The following PCDH15 variants were observed in gnomAD, a reference collection of about 807,000 sequenced individuals.
PCDH15 encodes the protein protocadherin related 15, also known as protocadherin-15.
In PCDH15, 129 loss-of-function variants were observed where a neutral mutation model predicts 178.5. The observed-to-expected ratio is 0.72, with a 90% confidence interval of 0.63 to 0.84. PCDH15 has a LOEUF of 0.84. Among genes scored for constraint, PCDH15 ranks in the 40% least tolerant of loss-of-function variants. PCDH15 has a pLI of 0.00. For synonymous variants in PCDH15, 800 were observed against 732.0 expected, an observed-to-expected ratio of 1.09 and a Z score of -1.50; for missense variants, 2,230 against 2,099.9, an observed-to-expected ratio of 1.06 and a Z score of -1.21.
At chr10:55,383,123 G>A (rs894409526) in intron 2 of PCDH15, among the ~76,000 whole-genome samples, 1 of 152,120 alleles carries the variant, frequency 6.6e-6, no homozygotes, top group Non-Finnish European at 1.5e-5. Context: ...GATGGGAGTG[G>A]CTCTCAGTGG....
chr10:54,625,036 G>C (rs1362638881), intron 2 of PCDH15, among the ~76,000 whole-genome samples: 9 of 152,154 alleles, frequency 5.9e-5, no homozygotes, highest in Non-Finnish European at 1.2e-4. Flanking sequence ...TGGGTCCGTA[G>C]AAAAATTGTC....
chr10:54,172,902 A>G (rs2047058460), intron 13 of PCDH15, among the ~76,000 whole-genome samples: 1 of 152,216 alleles, frequency 6.6e-6, no homozygotes, highest in Non-Finnish European at 1.5e-5. Flanking sequence ...ACAGAAATAT[A>G]AAAGTAAATA....
At chr10:54,731,559 TATATACACACAC>T in intron 1 of PCDH15, among the ~76,000 whole-genome samples, 1 of 50,618 alleles carries the variant, frequency 2.0e-5, no homozygotes, top group Non-Finnish European at 4.4e-5. Context: ...TATATATATA[TATATACACACAC>T]ACACACACAC....
chr10:54,987,651 C>T (rs1164916376), intron 2 of PCDH15, among the ~76,000 whole-genome samples: 1 of 150,510 alleles, frequency 6.6e-6, no homozygotes. Flanking sequence ...TTTTTGGCCG[C>T]ATAAATGTCT....
At chr10:54,505,696 G>C (rs1415393950) in intron 3 of PCDH15, among the ~76,000 whole-genome samples, 7 of 151,978 alleles carry the variant, frequency 4.6e-5, no homozygotes, top group Non-Finnish European at 8.8e-5. Context: ...ACCTAATGTA[G>C]ATGACGGGTC....
At chr10:53,905,710 A>G (rs1431254345) in intron 25 of PCDH15, among the ~76,000 whole-genome samples, 2 of 152,152 alleles carry the variant, frequency 1.3e-5, no homozygotes, top group African/African-American at 4.8e-5. Context: ...TAAGTTTAAG[A>G]TTCAAATACC....
intron 18 of PCDH15, among the ~76,000 whole-genome samples, chr10:54,057,170 G>A (rs1215756021): frequency 1.3e-5 from 2 of 152,280 alleles, no homozygotes; most frequent in East Asian, 1.9e-4. Context: ...AGCTGTCAGT[G>A]GATTACTATT....
intron 21 of PCDH15, among the ~76,000 whole-genome samples, chr10:53,979,513 G>T (rs2090449800): frequency 1.3e-5 from 2 of 152,074 alleles, no homozygotes; most frequent in African/African-American, 2.4e-5. Flanking sequence ...CTAAGAATGG[G>T]GATACATTGT....
intron 2 of PCDH15, among the ~76,000 whole-genome samples, chr10:54,930,304 C>T (rs1837739877): frequency 6.6e-6 from 1 of 152,176 alleles, no homozygotes; most frequent in Non-Finnish European, 1.5e-5. Context: ...ACACCACCTC[C>T]TCAAGCCAGT....
At chr10:54,490,728 A>G (rs2079518851) in intron 3 of PCDH15, among the ~76,000 whole-genome samples, 1 of 152,152 alleles carries the variant, frequency 6.6e-6, no homozygotes, top group East Asian at 1.9e-4. Flanking sequence ...AATGACTAGT[A>G]AAAGTCAAAA....
chr10:54,195,041 C>A (rs2049465207), intron 11 of PCDH15, among the ~76,000 whole-genome samples: 2 of 152,098 alleles, frequency 1.3e-5, no homozygotes, highest in Admixed American at 1.3e-4. Context: ...TTGTAAATTC[C>A]TGGGAGGATT....
At chr10:54,347,679 A>G (rs1458052639) in intron 5 of PCDH15, among the ~76,000 whole-genome samples, 1 of 151,958 alleles carries the variant, frequency 6.6e-6, no homozygotes, top group Non-Finnish European at 1.5e-5. Context: ...AAATAGATAG[A>G]ACATGCCCTC....
chr10:55,060,741 T>C (rs1191979812), intron 2 of PCDH15, among the ~76,000 whole-genome samples: 2 of 152,032 alleles, frequency 1.3e-5, no homozygotes, highest in African/African-American at 4.8e-5. Context: ...AAGTTTCTCA[T>C]GGACTAATAG....
chr10:54,455,870 C>T (rs994051409), intron 3 of PCDH15, among the ~76,000 whole-genome samples: 20 of 152,260 alleles, frequency 1.3e-4, no homozygotes, highest in African/African-American at 2.6e-4. Context: ...ATGGCTAAAA[C>T]GGGTCAGTGT....
intron 19 of PCDH15, among the ~76,000 whole-genome samples, chr10:54,020,749 A>G (rs1337611031): frequency 1.4e-5 from 2 of 147,748 alleles, no homozygotes; most frequent in Admixed American, 6.6e-5. Flanking sequence ...TCACTAAATG[A>G]ACTATATCAC....
At chr10:54,944,076 C>A (rs1451847809) in intron 2 of PCDH15, among the ~76,000 whole-genome samples, 1 of 151,848 alleles carries the variant, frequency 6.6e-6, no homozygotes, top group East Asian at 1.9e-4. Flanking sequence ...TAGGCCAAGA[C>A]CCAAAGCATG....
At chr10:55,411,645 A>G (rs553089714) in intron 2 of PCDH15, among the ~76,000 whole-genome samples, 1 of 152,246 alleles carries the variant, frequency 6.6e-6, no homozygotes, top group African/African-American at 2.4e-5. Context: ...CTAGTTTTCA[A>G]TATATTCTAC....
intron 2 of PCDH15, among the ~76,000 whole-genome samples, chr10:55,453,597 C>T (rs562401093): frequency 1.2e-4 from 18 of 152,070 alleles, no homozygotes; most frequent in Non-Finnish European, 2.6e-4. Context: ...TTGGGGGTTT[C>T]GGGGGGTCAA....
chr10:54,773,323 A>C (rs2065842), intron 1 of PCDH15, among the ~76,000 whole-genome samples: 34,310 of 152,090 alleles, frequency 0.23, 4,397 homozygotes, highest in East Asian at 0.49. Flanking sequence ...AAATGAATAC[A>C]AATGCTTAAT....
Sources: allele counts gnomAD v4.1 joint callset (sites outside exome capture counted in the v4.1 genomes callset), GRCh38; gene constraint gnomAD v4.1.1; transcripts MANE v1.5; gene names NCBI Gene and HGNC (gene_info 2026-07-23, HGNC 2026-07-21).